ADCYAP1R1: variants seen among roughly 807,000 people sequenced by gnomAD.
ADCYAP1R1 encodes the protein ADCYAP receptor type I.
Under a neutral mutation model 67.6 loss-of-function variants are expected in ADCYAP1R1, and 44 were observed. The ratio of observed to expected loss-of-function variants is 0.65; its 90% CI spans 0.51 to 0.84. ADCYAP1R1 has a LOEUF of 0.84. Ranked by LOEUF, ADCYAP1R1 falls within the 40% of genes least tolerant of loss-of-function variation. The pLI, the probability that ADCYAP1R1 is intolerant of heterozygous loss-of-function variation, is 0.00. For synonymous variants in ADCYAP1R1, 222 were observed against 219.6 expected (o/e 1.01, Z -0.10); for missense variants, 477 against 587.9 (o/e 0.81, Z 1.95).
intron 5 of ADCYAP1R1, 89 bp downstream of exon 5, chr7:31,080,722 G>A (rs567866396): frequency 7.0e-7 from 1 of 1,418,674 alleles, no homozygotes; most frequent in East Asian, 2.3e-5. Flanking sequence ...TCCGGCTGCT[G>A]GGATTGGGGT....
chr7:31,106,071 C>T (rs1796632130), intron 15 of ADCYAP1R1, among the ~76,000 whole-genome samples: 2 of 152,302 alleles, frequency 1.3e-5, no homozygotes, highest in African/African-American at 4.8e-5. Flanking sequence ...TGGGGTATGG[C>T]CTGGGCATCT....
chr7:31,106,818 G>T lies in ADCYAP1R1; in HGVS notation c.*134G>T. On this transcript the variant is annotated 3_prime_UTR_variant, in exon 16 of 16. Transcript: ENST00000304166. ...TGGAAGCTTGGCTCCTGAGGGGGGA[G>T]AAGGAGGCAGGGCACAGACTGGAAT... 9.2e-7 allele frequency: 1 copy of T among 1,090,740 alleles called. No individual in the cohort carries two copies. The highest frequency in any genetic ancestry group is 1.3e-6 in the Non-Finnish European group (1 of 786,034). 67.6% of individuals were successfully genotyped at this position (1,090,740 alleles called of 1,614,324 possible).
intron 7 of ADCYAP1R1, 90 bp downstream of exon 7, chr7:31,084,340 G>T: frequency 9.6e-7 from 1 of 1,043,970 alleles, no homozygotes; most frequent in Non-Finnish European, 1.5e-6. Context: ...CACCTGCTGG[G>T]GCTGAGAAGC....
rs969104173 is a variant in ADCYAP1R1 at position 31,102,828 on chromosome 7, T to G, written c.1047-409T>G. On this transcript the variant is annotated intron_variant, in intron 13 of 15. Transcript: ENST00000304166. The surrounding 1 kb of genome is among the most constrained non-coding windows in gnomAD (Gnocchi z 4.3). Reference sequence around the variant, plus strand: ...TCTCTGTGGCCCATCGAGGGCTGCTTCTTTCAGGCACAAAGAGCTTTCTTC... The same window carrying G: ...TCTCTGTGGCCCATCGAGGGCTGCTGCTTTCAGGCACAAAGAGCTTTCTTC... 2.0e-5 allele frequency among the ~76,000 whole-genome samples: 3 copies of G among 152,298 alleles called. No homozygotes were observed. The highest frequency in any genetic ancestry group is 7.2e-5 in the African/African-American group (3 of 41,566).
At chr7:31,082,098 G>A (rs1216431081) in intron 6 of ADCYAP1R1, among the ~76,000 whole-genome samples, 1 of 152,204 alleles carries the variant, frequency 6.6e-6, no homozygotes, top group East Asian at 1.9e-4. Flanking sequence ...GCTACCTTGT[G>A]CACTTGTTAA....
At chr7:31,062,216 T>G (rs73688747) in intron 1 of ADCYAP1R1, among the ~76,000 whole-genome samples, 5,332 of 152,278 alleles carry the variant, frequency 0.035, 311 homozygotes, top group African/African-American at 0.12. Flanking sequence ...GAGTATACTC[T>G]TCCCCTGGGA....
intron 13 of ADCYAP1R1, among the ~76,000 whole-genome samples, chr7:31,099,379 T>C (rs1584541414): frequency 1.3e-5 from 2 of 152,242 alleles, no homozygotes; most frequent in African/African-American, 2.4e-5. Context: ...CATGTGGCTG[T>C]TGAGCCCTTA....
At chr7:31,075,863 A>G (rs1038147910) in intron 3 of ADCYAP1R1, among the ~76,000 whole-genome samples, 2 of 152,120 alleles carry the variant, frequency 1.3e-5, no homozygotes, top group Non-Finnish European at 2.9e-5. Flanking sequence ...GAAGGGATAG[A>G]GAGTGGGGCA....
Position 31,092,685 on chromosome 7 carries a change from G to T in ADCYAP1R1, c.996G>T (p.Val332=). Residue 332 remains valine, a synonymous_variant, in exon 13 of 16, where the codon GTG becomes GTT. Coordinates refer to ENST00000304166, the MANE Select transcript of ADCYAP1R1 (RefSeq NM_001118.5). ...TTATTGGCATTATCGTCATCCTTGT[G>T]CAGAAACTTCAGTCTCCAGACATGG... The part of the protein sequence containing the change: ...VLFIGIIVIL[V]QKLQSPDMGG... 6.2e-7 allele frequency: 1 copy of T among 1,611,940 alleles called. No homozygotes were observed.
In ADCYAP1R1 at chr7:31,091,070, C is replaced by T. The variant is rs527691964; in HGVS notation, c.955-1574C>T. On this transcript the variant is annotated intron_variant, in intron 12 of 15. Coordinates refer to ENST00000304166, the MANE Select transcript of ADCYAP1R1 (RefSeq NM_001118.5). ...CCATGTTCCCTTTTCTCTGCTGCCT[C>T]CCCAGCATCTGTTGTCTTTTGACTT... is the stretch of plus-strand genomic sequence containing the variant. 3.3e-5 allele frequency among the ~76,000 whole-genome samples: 5 copies of T among 152,286 alleles called. No homozygotes were observed. The South Asian group carries it at 8.3e-4, about 25-fold the overall frequency.
rs1795738185 is a variant in ADCYAP1R1 at position 31,086,245 on chromosome 7, T to C, written c.670-139T>C. The C allele has an allele frequency of 1.5e-5, 14 of 958,494 alleles. No homozygotes were observed. Among genetic ancestry groups the C allele is most frequent in the South Asian group, 7.2e-5 (4 of 55,676 alleles). The allele number at this position is 958,494 out of a possible 1,614,324, so 59.4% of individuals were successfully genotyped here. On this transcript the variant is annotated intron_variant, in intron 9 of 15. Transcript: ENST00000304166. The surrounding 1 kb of genome is among the most constrained non-coding windows in gnomAD (Gnocchi z 5.0). Reference sequence around the variant, plus strand: ...CATGGGATGCTGCAATTTTCAACTCTTTGATCCAGGAATATTGACTCTCTT... The same window carrying C: ...CATGGGATGCTGCAATTTTCAACTCCTTGATCCAGGAATATTGACTCTCTT...
chr7:31,072,682 G>T (rs1795039601), intron 3 of ADCYAP1R1, among the ~76,000 whole-genome samples: 1 of 152,228 alleles, frequency 6.6e-6, no homozygotes, highest in African/African-American at 2.4e-5. Context: ...AAGCCTCTCT[G>T]TGGTAGGTCG....
chr7:31,060,777 A>G (rs57596352), intron 1 of ADCYAP1R1, among the ~76,000 whole-genome samples: 51,473 of 151,904 alleles, frequency 0.34, 8,995 homozygotes, highest in African/African-American at 0.39. Context: ...CTCTCTGTCT[A>G]TTTGCTGCCA....
chr7:31,097,657 A>G (rs954457313), intron 13 of ADCYAP1R1, among the ~76,000 whole-genome samples: 1 of 125,784 alleles, frequency 8.0e-6, no homozygotes, highest in Non-Finnish European at 1.8e-5. Context: ...AAAAATCCTT[A>G]AAAAAAATCA....
Position 31,075,911 on chromosome 7 carries a change from C to T in ADCYAP1R1, c.158-2080C>T, listed in dbSNP as rs571989891. Among the ~76,000 whole-genome samples, 29 of 152,222 alleles carry T rather than the reference C, an allele frequency of 1.9e-4. 1 individual carries two copies. The South Asian group carries it at 6.0e-3, about 32-fold the overall frequency. The stretch of plus-strand genomic sequence containing the variant: ...GGTTTCAAGGTAAAACCAGCAAGGG[C>T]TTGATCAGGAGCACTAAAGGGAAGG... On this transcript the variant is annotated intron_variant, in intron 3 of 15. Coordinates refer to ENST00000304166, the MANE Select transcript of ADCYAP1R1 (RefSeq NM_001118.5).
chr7:31,086,626 A>G lies in ADCYAP1R1; in HGVS notation c.823+89A>G. On this transcript the variant is annotated intron_variant, in intron 10 of 15. Coordinates refer to ENST00000304166, the MANE Select transcript of ADCYAP1R1 (RefSeq NM_001118.5). This position sits in a 1 kb window ranked among gnomAD's most constrained non-coding sequence, Gnocchi z 5.0. ...TTTGGTTCCATCTTCAGGAAGTGTC[A>G]GGTGAGGAGGGGCCACTGCCCTGCC... The G allele has an allele frequency of 6.6e-7, 1 of 1,505,180 alleles. No individual in the cohort carries two copies. Among genetic ancestry groups the G allele is most frequent in the Non-Finnish European group, 9.1e-7 (1 of 1,099,030 alleles). 93.2% of individuals were successfully genotyped at this position (1,505,180 alleles called of 1,614,324 possible). A position where few individuals can be genotyped will look rare whatever the true frequency, so the allele number is the denominator to read the frequency against.
At position 31,108,744 on chromosome 7, in the gene ADCYAP1R1, A is replaced by ATGTGTG. The variant is rs748785102; in HGVS notation, c.*2061_*2062insGTGTGT. The stretch of plus-strand genomic sequence containing the variant: ...TGCCTCATATCAGGTTTTGATGAAT[A>ATGTGTG]TATGTGTGTGTGTGTGTGTGTGTGT... On this transcript the variant is annotated 3_prime_UTR_variant, in exon 16 of 16. Transcript: ENST00000304166. 8.5e-6 allele frequency: 1 copy of ATGTGTG among 117,232 alleles called. No individual in the cohort carries two copies. Among genetic ancestry groups the ATGTGTG allele is most frequent in the African/African-American group, 4.1e-5 (1 of 24,538 alleles). 7.3% of individuals were successfully genotyped at this position (117,232 alleles called of 1,614,324 possible).
At chr7:31,103,428 C>T in intron 14 of ADCYAP1R1, 62 bp downstream of exon 14, 2 of 1,608,754 alleles carry the variant, frequency 1.2e-6, no homozygotes, top group Non-Finnish European at 1.7e-6. Flanking sequence ...TGCTCACCTG[C>T]AAGTGGTGCT....
rs769666358 is a variant in ADCYAP1R1, at chr7:31,064,867, G to C, written c.88G>C (p.Glu30Gln). ...AMHSDCIFKK[E>Q]QAMCLEKIQR... Reference sequence around the variant, plus strand: ...GCATTCTGACTGCATCTTCAAGAAGGAGCAAGCCATGTGCCTGGAGAAGAT... The same window carrying C: ...GCATTCTGACTGCATCTTCAAGAAGCAGCAAGCCATGTGCCTGGAGAAGAT... Residue 30 changes from glutamate (E) to glutamine (Q), a missense_variant, in exon 3 of 16, where the codon GAG (glutamate) becomes CAG (glutamine). Transcript: ENST00000304166. 6.2e-7 allele frequency: 1 copy of C among 1,613,064 alleles called. No homozygotes were observed. The highest frequency in any genetic ancestry group is 8.5e-7 in the Non-Finnish European group (1 of 1,179,600).
Sources: allele counts gnomAD v4.1 joint callset (sites outside exome capture counted in the v4.1 genomes callset), GRCh38; gene constraint gnomAD v4.1.1; non-coding constraint Gnocchi (gnomAD v3.1); transcripts MANE v1.5; gene names NCBI Gene and HGNC (gene_info 2026-07-23, HGNC 2026-07-21).